The following ABCA3 variants were observed in gnomAD, a reference collection of about 807,000 sequenced individuals.
ABCA3 encodes the protein phospholipid-transporting ATPase ABCA3.
In ABCA3, 88 loss-of-function variants were observed where a neutral mutation model predicts 172.8. That is an observed-to-expected ratio of 0.51 (90% CI 0.43 to 0.61). The LOEUF (loss-of-function observed/expected upper bound fraction) is 0.61. ABCA3 is among the 20% of genes least tolerant of loss of function. The probability of loss-of-function intolerance (pLI) is 0.00; values close to 1 mark genes in which losing one functional copy is unlikely to be tolerated. For missense variants in ABCA3, 2,164 were observed against 2,301.0 expected, an observed-to-expected ratio of 0.94 and a Z score of 1.22; for synonymous variants, 1,066 against 983.8, an observed-to-expected ratio of 1.08 and a Z score of -1.56.
intron 12 of ABCA3, among the ~76,000 whole-genome samples, chr16:2,303,383 T>G (rs1047470769): frequency 2.0e-5 from 3 of 151,480 alleles, no homozygotes; most frequent in Non-Finnish European, 2.9e-5. Flanking sequence ...TGCCTCAGCC[T>G]CCCGAGTAGC....
chr16:2,294,992 A>T (rs1265983509), intron 18 of ABCA3, among the ~76,000 whole-genome samples: 1 of 152,204 alleles, frequency 6.6e-6, no homozygotes, highest in Non-Finnish European at 1.5e-5. Flanking sequence ...CAAAACAAAT[A>T]ATAAATAAAT....
At chr16:2,317,584 G>C (rs201379909) in intron 9 of ABCA3, 64 bp downstream of exon 9, 24 of 1,595,688 alleles carry the variant, frequency 1.5e-5, no homozygotes, top group Non-Finnish European at 1.8e-5. Flanking sequence ...CTTCCCAAGA[G>C]GGCCCTCCTG....
intron 12 of ABCA3, among the ~76,000 whole-genome samples, chr16:2,300,482 A>C (rs917245621): frequency 6.6e-6 from 1 of 152,128 alleles, no homozygotes; most frequent in Non-Finnish European, 1.5e-5. Flanking sequence ...GTCCAGAGGG[A>C]TGTTGGAGCC....
At chr16:2,301,037 T>C (rs938235140) in intron 12 of ABCA3, among the ~76,000 whole-genome samples, 30 of 151,718 alleles carry the variant, frequency 2.0e-4, no homozygotes, top group South Asian at 4.2e-4. Flanking sequence ...GAGACCATCC[T>C]GGCTAACACG....
rs896598359 is a variant in ABCA3 at position 2,284,632 on chromosome 16, G to A, written c.3703+147C>T. ...CTGCCCACCAGTCATGGCTAGCCGGGCAGGGCCAGCTGGGGCAGAGGGGCT... is the reference window on the plus strand; with the variant it reads ...CTGCCCACCAGTCATGGCTAGCCGGACAGGGCCAGCTGGGGCAGAGGGGCT... On this transcript the variant is annotated intron_variant, in intron 24 of 32. Transcript: ENST00000301732. This position sits in a 1 kb window ranked among gnomAD's most constrained non-coding sequence, Gnocchi z 5.9. The A allele has an allele frequency of 1.6e-6, 2 of 1,217,334 alleles. No homozygotes were observed. Among genetic ancestry groups the A allele is most frequent in the Non-Finnish European group, 2.3e-6 (2 of 859,792 alleles). 75.4% of individuals were successfully genotyped at this position (1,217,334 alleles called of 1,614,324 possible).
In ABCA3 at chr16:2,319,624, G is replaced by C; in HGVS notation, c.830C>G (p.Thr277Ser). 2.0e-5 allele frequency: 32 copies of C among 1,613,464 alleles called. No individual in the cohort carries two copies. The highest frequency in any genetic ancestry group is 2.7e-5 in the Non-Finnish European group (32 of 1,180,028). The change falls in exon 8 of 33, where the codon ACC (threonine) becomes AGC (serine). Residue 277 changes from threonine (T) to serine (S), a missense_variant. By Grantham distance (58) the Thr-to-Ser change is moderately conservative. Coordinates refer to ENST00000301732, the MANE Select transcript of ABCA3 (RefSeq NM_001089.3). ...CTCCTGCACGACAGCACGGGCAATG[G>C]TGAGCGCGGTGTAGGTGAAGCTGAG... is the stretch of plus-strand genomic sequence containing the variant. Reference protein sequence around the residue: ...LLLSFTYTALTIARAVVQEKE... With the variant: ...LLLSFTYTALSIARAVVQEKE...
At chr16:2,332,945 C>A (rs1466306782) in intron 1 of ABCA3, among the ~76,000 whole-genome samples, 1 of 152,064 alleles carries the variant, frequency 6.6e-6, no homozygotes, top group Non-Finnish European at 1.5e-5. Context: ...CAGCTGGGAC[C>A]ACAGGCACAT....
Position 2,285,035 on chromosome 16 carries a change from A to G in ABCA3, c.3484-37T>C. The stretch of plus-strand genomic sequence containing the variant: ...CAGGGAGGCGCTGCTGTGCATGCCA[A>G]GCTGAGAGGAGCTCACGGGTAGGGA... On this transcript the variant is annotated intron_variant, in intron 23 of 32. Coordinates refer to ENST00000301732, the MANE Select transcript of ABCA3 (RefSeq NM_001089.3). This position sits in a 1 kb window ranked among gnomAD's most constrained non-coding sequence, Gnocchi z 4.7. 1 of 1,598,454 alleles carries G rather than the reference A, an allele frequency of 6.3e-7. No individual in the cohort carries two copies. Among genetic ancestry groups the G allele is most frequent in the Non-Finnish European group, 8.5e-7 (1 of 1,172,890 alleles).
In ABCA3 at chr16:2,319,674, C is replaced by G; in HGVS notation, c.780G>C (p.Gln260His). ...GCAGCAGCAGCAGGGGCAGCTGGTA[C>G]TGGATGGCCACGAGGAAGGGGTCTG... The part of the protein sequence containing the change: ...FIADPFLVAI[Q>H]YQLPLLLLLS... Residue 260 changes from glutamine to histidine, a missense_variant, in exon 8 of 33, where the codon CAG becomes CAC. Transcript: ENST00000301732. The G allele has an allele frequency of 6.2e-7, 1 of 1,613,886 alleles. No individual in the cohort carries two copies. Among genetic ancestry groups the G allele is most frequent in the Non-Finnish European group, 8.5e-7 (1 of 1,179,998 alleles).
Position 2,281,389 on chromosome 16 carries a change from G to A in ABCA3, c.4156C>T (p.Leu1386Phe), listed in dbSNP as rs774287586. The A allele has an allele frequency of 1.2e-6, 2 of 1,613,732 alleles. No homozygotes were observed. The highest frequency in any genetic ancestry group is 3.3e-5 in the Admixed American group (2 of 60,030). The change falls in exon 27 of 33, where the codon CTC becomes TTC. Residue 1386 changes from leucine to phenylalanine, a missense_variant. Leu to Phe is a conservative substitution (Grantham distance 22). Around this residue, in one of 3 missense-constraint regions of ABCA3, gnomAD observed 795 missense variants for 881.9 expected, o/e 0.90. Coordinates refer to ENST00000301732, the MANE Select transcript of ABCA3 (RefSeq NM_001089.3). This position sits in a 1 kb window ranked among gnomAD's most constrained non-coding sequence, Gnocchi z 4.7. ...LLHTPLIIKE[L>F]SKVYEQRVPL... ...CCAAATTGCAAGGGTACCTTGGAGA[G>A]CTCCTTGATAATCAGAGGTGTGTGG...
intron 9 of ABCA3, 35 bp from the exon 10 acceptor site, chr16:2,317,438 C>T (rs2093717845): frequency 6.2e-7 from 1 of 1,611,648 alleles, no homozygotes; most frequent in Non-Finnish European, 8.5e-7. Context: ...GCGTGGTGGG[C>T]CGGCAGAGGT....
In ABCA3 at chr16:2,278,042, G is replaced by A; in HGVS notation, c.4746C>T (p.Thr1582=). The change falls in exon 31 of 33, where the codon ACC becomes ACT. Residue 1582 remains threonine, a synonymous_variant. Transcript: ENST00000301732. This position sits in a 1 kb window ranked among gnomAD's most constrained non-coding sequence, Gnocchi z 4.4. The part of the protein sequence containing the change: ...HSMEECEALC[T]RLAIMVQGQF... The stretch of plus-strand genomic sequence containing the variant: ...GCCCCTGCACCATGATGGCCAGCCG[G>A]GTGCACAGGGCCTCACACTCCTCCA... 1 of 1,613,432 alleles carries A rather than the reference G, an allele frequency of 6.2e-7. No individual in the cohort carries two copies. The highest frequency in any genetic ancestry group is 8.5e-7 in the Non-Finnish European group (1 of 1,180,024).
At chr16:2,296,268 T>C (rs543252999) in intron 17 of ABCA3, among the ~76,000 whole-genome samples, 1 of 151,994 alleles carries the variant, frequency 6.6e-6, no homozygotes, top group Non-Finnish European at 1.5e-5. Flanking sequence ...TCTCACTCTG[T>C]CACCCAGGCT....
At chr16:2,300,206 C>T in intron 12 of ABCA3, 58 bp from the exon 13 acceptor site, 2 of 1,608,598 alleles carry the variant, frequency 1.2e-6, no homozygotes, top group Non-Finnish European at 1.7e-6. Context: ...AAAGCAACAA[C>T]CAGCAGACAC....
intron 11 of ABCA3, among the ~76,000 whole-genome samples, chr16:2,304,440 T>G (rs564639406): frequency 6.6e-6 from 1 of 152,096 alleles, no homozygotes; most frequent in Admixed American, 6.5e-5. Context: ...CACGTACATA[T>G]GCACCCACAT....
chr16:2,319,969 C>A lies in ABCA3; in HGVS notation c.614-129G>T, dbSNP rs189789377. 7.9e-5 allele frequency: 98 copies of A among 1,243,724 alleles called. No homozygotes were observed. The African/African-American group carries it at 1.3e-3, about 16-fold the overall frequency. 77.0% of individuals were successfully genotyped at this position (1,243,724 alleles called of 1,614,324 possible). The stretch of plus-strand genomic sequence containing the variant: ...CAGAGTGACTTCAGCTCAGGACCCC[C>A]GTGGCCGCTCAGTGGTCCCACGGGA... On this transcript the variant is annotated intron_variant, in intron 7 of 32. Transcript: ENST00000301732.
At chr16:2,338,670 T>G (rs1328505730) in intron 1 of ABCA3, among the ~76,000 whole-genome samples, 1 of 152,114 alleles carries the variant, frequency 6.6e-6, no homozygotes, top group African/African-American at 2.4e-5. Flanking sequence ...TTCTGTCTTA[T>G]GTCACAGTTA....
At chr16:2,326,300 T>G in intron 4 of ABCA3, 26 bp from the exon 5 acceptor site, 1 of 1,611,744 alleles carries the variant, frequency 6.2e-7, no homozygotes, top group Non-Finnish European at 8.5e-7. Flanking sequence ...TAGGGCACGG[T>G]GATGGGCTGC....
intron 4 of ABCA3, 49 bp downstream of exon 4, chr16:2,326,364 G>C: frequency 6.2e-7 from 1 of 1,612,332 alleles, no homozygotes. Flanking sequence ...ATCCCCAGGA[G>C]CCTCTGGGCT....
Sources: allele counts gnomAD v4.1 joint callset (sites outside exome capture counted in the v4.1 genomes callset), GRCh38; gene constraint gnomAD v4.1.1; regional missense constraint gnomAD v4.1.1; non-coding constraint Gnocchi (gnomAD v3.1); transcripts MANE v1.5; gene names NCBI Gene and HGNC (gene_info 2026-07-23, HGNC 2026-07-21).